The following KCNAB1 variants were observed in gnomAD, a reference collection of about 807,000 sequenced individuals.
KCNAB1 encodes the protein potassium voltage-gated channel subfamily A regulatory beta subunit 1.
In KCNAB1, 35 loss-of-function variants were observed where a neutral mutation model predicts 64.6. The ratio of observed to expected loss-of-function variants is 0.54; its 90% confidence interval spans 0.41 to 0.72. KCNAB1 has a LOEUF of 0.72. Ranked by LOEUF, KCNAB1 falls within the 30% of genes least tolerant of loss-of-function variation. The pLI, the probability that KCNAB1 is intolerant of heterozygous loss-of-function variation, is 0.00. For missense variants in KCNAB1, 401 were observed against 512.9 expected, an observed-to-expected ratio of 0.78 and a Z score of 2.11; for synonymous variants, 177 against 183.8, an observed-to-expected ratio of 0.96 and a Z score of 0.30.
At chr3:156,395,472 G>A (rs1713366135) in intron 1 of KCNAB1, among the ~76,000 whole-genome samples, 2 of 141,102 alleles carry the variant, frequency 1.4e-5, no homozygotes, top group Non-Finnish European at 3.0e-5. Flanking sequence ...GTGAACCAGG[G>A]AGGCGGAGCT....
At chr3:156,140,499 G>A (rs1186719210) in intron 1 of KCNAB1, among the ~76,000 whole-genome samples, 1 of 152,066 alleles carries the variant, frequency 6.6e-6, no homozygotes, top group Non-Finnish European at 1.5e-5. Flanking sequence ...GCTACCTTTG[G>A]CCTCTTCTTA....
At chr3:156,341,006 A>C (rs988670437) in intron 1 of KCNAB1, among the ~76,000 whole-genome samples, 1 of 152,234 alleles carries the variant, frequency 6.6e-6, no homozygotes, top group Non-Finnish European at 1.5e-5. Context: ...TATCAAAGAA[A>C]AGAGACACTC....
rs140656746 is a variant in KCNAB1 at position 156,524,466 on chromosome 3, G to A, written c.1081+519G>A. ...CTGGTAACAATTGAAAACCACACGC[G>A]GCTGGGCACGGTGGCTCATGCCTGT... On this transcript the variant is annotated intron_variant, in intron 12 of 13. Transcript: ENST00000490337. Among the ~76,000 whole-genome samples the A allele has an allele frequency of 2.4e-3, 369 of 152,252 alleles. 1 individual carries two copies. Among genetic ancestry groups the A allele is most frequent in the Non-Finnish European group, 3.9e-3 (263 of 68,020 alleles).
At chr3:156,218,807 TAATAA>T (rs1715502463) in intron 1 of KCNAB1, among the ~76,000 whole-genome samples, 2 of 130,578 alleles carry the variant, frequency 1.5e-5, no homozygotes, top group Non-Finnish European at 3.3e-5. Context: ...AAAAAAATAA[TAATAA>T]AATAAAATAA....
At chr3:156,408,316 C>T (rs1714398050) in intron 1 of KCNAB1, among the ~76,000 whole-genome samples, 1 of 152,188 alleles carries the variant, frequency 6.6e-6, no homozygotes, top group Non-Finnish European at 1.5e-5. Context: ...GAAGACCACA[C>T]ACTTCAACAT....
intron 8 of KCNAB1, among the ~76,000 whole-genome samples, chr3:156,513,337 G>T (rs947445650): frequency 6.7e-6 from 1 of 149,408 alleles, no homozygotes; most frequent in African/African-American, 2.6e-5. Context: ...CTGCTCATGA[G>T]AAATAATAAT....
intron 1 of KCNAB1, among the ~76,000 whole-genome samples, chr3:156,398,779 A>G (rs1713675554): frequency 6.7e-6 from 1 of 148,428 alleles, no homozygotes; most frequent in African/African-American, 2.6e-5. Flanking sequence ...TTTTAAAAGA[A>G]GGGATTAGAG....
At chr3:156,490,866 A>G (rs902958259) in intron 8 of KCNAB1, among the ~76,000 whole-genome samples, 2 of 152,122 alleles carry the variant, frequency 1.3e-5, no homozygotes, top group African/African-American at 4.8e-5. Flanking sequence ...AATACAGTGA[A>G]TAGAGATTGA....
intron 1 of KCNAB1, among the ~76,000 whole-genome samples, chr3:156,206,686 T>C (rs1291484656): frequency 1.3e-5 from 2 of 152,200 alleles, no homozygotes; most frequent in Non-Finnish European, 2.9e-5. Context: ...TTTCAACATA[T>C]AACAGCCACC....
At chr3:156,337,475 T>A (rs1035698873) in intron 1 of KCNAB1, among the ~76,000 whole-genome samples, 2 of 152,180 alleles carry the variant, frequency 1.3e-5, no homozygotes, top group African/African-American at 4.8e-5. Context: ...TTCTTCTTCC[T>A]CCTCCTCCTG....
intron 1 of KCNAB1, among the ~76,000 whole-genome samples, chr3:156,276,226 C>T (rs1243623712): frequency 2.0e-5 from 3 of 152,030 alleles, no homozygotes; most frequent in African/African-American, 7.2e-5. Flanking sequence ...GTCTTTTTTT[C>T]TAAGGAGTAA....
rs149806101 is a variant in KCNAB1, at chr3:156,427,390, G to C, written c.319+5731G>C. Among the ~76,000 whole-genome samples the C allele has an allele frequency of 2.0e-5, 3 of 152,328 alleles. No individual in the cohort carries two copies. The East Asian group carries it at 5.8e-4, about 29-fold the overall frequency. ...ACCTGGAAACACAGAAGACTGAGGT[G>C]TTTGGACAGGTTTAGGACATCTGGC... On this transcript the variant is annotated intron_variant, in intron 2 of 13. Coordinates refer to ENST00000490337, the MANE Select transcript of KCNAB1 (RefSeq NM_172160.3).
intron 8 of KCNAB1, among the ~76,000 whole-genome samples, chr3:156,476,533 ACACACACACACACG>A (rs1051624869): frequency 6.7e-6 from 1 of 149,708 alleles, no homozygotes; most frequent in African/African-American, 2.5e-5. Flanking sequence ...ACACACACAC[ACACACACACACACG>A]CACACACACA....
chr3:156,306,106 G>A (rs1231917267), intron 1 of KCNAB1, among the ~76,000 whole-genome samples: 1 of 152,214 alleles, frequency 6.6e-6, no homozygotes, highest in African/African-American at 2.4e-5. Flanking sequence ...GTGGGGGCAA[G>A]TTATTGATAT....
chr3:156,428,718 A>G (rs1292927345), intron 2 of KCNAB1, among the ~76,000 whole-genome samples: 1 of 152,194 alleles, frequency 6.6e-6, no homozygotes, highest in Non-Finnish European at 1.5e-5. Flanking sequence ...CTGAGCACAT[A>G]TTAAACCTAA....
chr3:156,202,057 A>G (rs1252171345), intron 1 of KCNAB1, among the ~76,000 whole-genome samples: 1 of 152,092 alleles, frequency 6.6e-6, no homozygotes, highest in Non-Finnish European at 1.5e-5. Flanking sequence ...TTCAGGTACA[A>G]TAGTTTCTCT....
intron 1 of KCNAB1, among the ~76,000 whole-genome samples, chr3:156,229,270 T>A (rs143746389): frequency 6.6e-6 from 1 of 152,176 alleles, no homozygotes; most frequent in East Asian, 1.9e-4. Context: ...GGGAAACTTA[T>A]AATTATGGTG....
intron 13 of KCNAB1, 95 bp downstream of exon 13, chr3:156,531,592 G>GACAGA: frequency 1.1e-6 from 1 of 935,604 alleles, no homozygotes; most frequent in Non-Finnish European, 1.8e-6. Flanking sequence ...CTCTGTCCTG[G>GACAGA]GTGGGGCAAG....
chr3:156,516,608 C>T (rs1717584099), intron 11 of KCNAB1, among the ~76,000 whole-genome samples: 1 of 152,184 alleles, frequency 6.6e-6, no homozygotes, highest in African/African-American at 2.4e-5. Flanking sequence ...AAAAAAGTGC[C>T]CAGTGACCTG....
Sources: allele counts gnomAD v4.1 joint callset (sites outside exome capture counted in the v4.1 genomes callset), GRCh38; gene constraint gnomAD v4.1.1; transcripts MANE v1.5; gene names NCBI Gene and HGNC (gene_info 2026-07-23, HGNC 2026-07-21).